Variants in ALDH4A1 observed in about 807,000 individuals in gnomAD.
ALDH4A1 encodes delta-1-pyrroline-5-carboxylate dehydrogenase, mitochondrial.
ALDH4A1 carries 46 observed loss-of-function variants against 70.5 expected under a neutral mutation model. That is an observed-to-expected ratio of 0.65 (90% CI 0.51 to 0.83). The LOEUF (loss-of-function observed/expected upper bound fraction) is 0.83. ALDH4A1 is among the 40% of genes least tolerant of loss of function. ALDH4A1 has a pLI of 0.00. For synonymous variants in ALDH4A1, 323 were observed against 324.3 expected, an observed-to-expected ratio of 1.00 and a Z score of 0.04; for missense variants, 749 against 766.5, an observed-to-expected ratio of 0.98 and a Z score of 0.27.
At position 18,885,456 on chromosome 1, in the gene ALDH4A1, G is replaced by A. The variant is rs200675281; in HGVS notation, c.453+17C>T. ...ACCCCACCCCGCCCCACCCACCCGGGCCCACCAGCACCTCACCTGTCCCAC... is the reference window on the plus strand; with the variant it reads ...ACCCCACCCCGCCCCACCCACCCGGACCCACCAGCACCTCACCTGTCCCAC... On this transcript the variant is annotated intron_variant, in intron 5 of 14. Coordinates refer to ENST00000375341, the MANE Select transcript of ALDH4A1 (RefSeq NM_003748.4). 989 of 542,336 alleles carry A rather than the reference G, an allele frequency of 1.8e-3. 9 individuals are homozygous for A. Among genetic ancestry groups the A allele is most frequent in the African/African-American group, 0.015 (691 of 47,354 alleles). 33.6% of individuals were successfully genotyped at this position (542,336 alleles called of 1,614,324 possible).
intron 7 of ALDH4A1, chr1:18,882,529 A>G (rs1935022401): frequency 1.9e-6 from 1 of 524,894 alleles, no homozygotes; most frequent in Non-Finnish European, 3.9e-6. Context: ...CTTGAATACC[A>G]TCAACCCCGA....
At position 18,889,354 on chromosome 1, in the gene ALDH4A1, G is replaced by A; in HGVS notation, c.249+8C>T. ...AGGGGCTGAGCTCTGCCCACCCGCT[G>A]GACATACCGACACTTGGTACTGCAC... On this transcript the variant is annotated splice_region_variant and intron_variant, in intron 3 of 14. Coordinates refer to ENST00000375341, the MANE Select transcript of ALDH4A1 (RefSeq NM_003748.4). The A allele has an allele frequency of 6.4e-7, 1 of 1,551,574 alleles. No homozygotes were observed.
Position 18,872,429 on chromosome 1 carries a change from C to T in ALDH4A1, c.*416G>A, listed in dbSNP as rs1239564410. On this transcript the variant is annotated 3_prime_UTR_variant, in exon 15 of 15. Transcript: ENST00000375341. Reference sequence around the variant, plus strand: ...CTGAGTTACACTTTACCCTGGACACCTGGAGGGGCAGGGATCAAGGCCAGG... The same window carrying T: ...CTGAGTTACACTTTACCCTGGACACTTGGAGGGGCAGGGATCAAGGCCAGG... The T allele has an allele frequency of 5.7e-6, 1 of 174,368 alleles. No individual in the cohort carries two copies. The highest frequency in any genetic ancestry group is 2.4e-5 in the African/African-American group (1 of 42,188). 10.8% of individuals were successfully genotyped at this position (174,368 alleles called of 1,614,324 possible). A position where few individuals can be genotyped will look rare whatever the true frequency, so the allele number is the denominator to read the frequency against.
At chr1:18,891,419 ATC>A in intron 1 of ALDH4A1, among the ~76,000 whole-genome samples, 1 of 152,240 alleles carries the variant, frequency 6.6e-6, no homozygotes, top group South Asian at 2.1e-4. Context: ...CCCAGATACC[ATC>A]TCTCTCTGGT....
Position 18,890,080 on chromosome 1 carries a change from G to A in ALDH4A1, c.88C>T (p.Leu30=). The stretch of plus-strand genomic sequence containing the variant: ...AAGACGGGCTCGTTGGCCACCTTCA[G>A]GGAGGAGGTGTGCTTCCACCGCAGG... The part of the protein sequence containing the change: ...AGLRWKHTSS[L]KVANEPVLAF... Residue 30 remains leucine, a synonymous_variant, in exon 2 of 15, where the codon CTG becomes TTG. Transcript: ENST00000375341. 1.2e-6 allele frequency: 2 copies of A among 1,612,764 alleles called. No homozygotes were observed. Among genetic ancestry groups the A allele is most frequent in the Admixed American group, 3.3e-5 (2 of 59,882 alleles).
intron 3 of ALDH4A1, among the ~76,000 whole-genome samples, chr1:18,889,080 C>G (rs1156884035): frequency 2.0e-5 from 3 of 152,202 alleles, no homozygotes; most frequent in Non-Finnish European, 2.9e-5. Flanking sequence ...GCTCCCAAAC[C>G]CCCTTGGCAA....
At chr1:18,885,716 A>C in intron 4 of ALDH4A1, 88 bp from the exon 5 acceptor site, 2 of 1,559,946 alleles carry the variant, frequency 1.3e-6, no homozygotes, top group Non-Finnish European at 1.7e-6. Context: ...CTGGGAGGCC[A>C]CTCTCTTCCA....
Position 18,877,235 on chromosome 1 carries a change from G to T in ALDH4A1, c.1158C>A (p.Thr386=). Residue 386 remains threonine (T), a synonymous_variant, in exon 11 of 15, where the codon ACC becomes ACA. Coordinates refer to ENST00000375341, the MANE Select transcript of ALDH4A1 (RefSeq NM_003748.4). ...KVGDPAEDFG[T]FFSAVIDAKS... ...TGGCATCAATCACTGCAGAGAAGAA[G>T]GTCCCAAAATCCTCTGCAGGCTGGA... is the stretch of plus-strand genomic sequence containing the variant. 6.2e-7 allele frequency: 1 copy of T among 1,608,264 alleles called. No individual in the cohort carries two copies. Among genetic ancestry groups the T allele is most frequent in the South Asian group, 1.1e-5 (1 of 89,832 alleles).
intron 4 of ALDH4A1, among the ~76,000 whole-genome samples, chr1:18,886,227 T>C (rs964026792): frequency 2.0e-5 from 3 of 152,194 alleles, no homozygotes; most frequent in African/African-American, 7.2e-5. Context: ...TGGGAATGTC[T>C]CAGCCCTGGC....
At chr1:18,896,702 G>T (rs964709101) in intron 1 of ALDH4A1, among the ~76,000 whole-genome samples, 2 of 152,106 alleles carry the variant, frequency 1.3e-5, no homozygotes, top group Admixed American at 1.3e-4. Context: ...AGACCAGCCT[G>T]GCCAACATGG....
At chr1:18,885,881 G>A (rs569499552) in intron 4 of ALDH4A1, among the ~76,000 whole-genome samples, 6 of 152,306 alleles carry the variant, frequency 3.9e-5, no homozygotes, top group South Asian at 2.1e-4. Flanking sequence ...ACTGAGTCCC[G>A]CAGCTGTTAC....
chr1:18,890,060 G>C lies in ALDH4A1; in HGVS notation c.108C>G (p.Pro36=), dbSNP rs768297819. The C allele has an allele frequency of 6.2e-7, 1 of 1,613,168 alleles. No individual in the cohort carries two copies. The highest frequency in any genetic ancestry group is 1.3e-5 in the African/African-American group (1 of 75,040). The change falls in exon 2 of 15, where the codon CCC becomes CCG. Residue 36 remains proline, a synonymous_variant. Coordinates refer to ENST00000375341, the MANE Select transcript of ALDH4A1 (RefSeq NM_003748.4). Reference sequence around the variant, plus strand: ...GGCTGCCCTGCGTGAAGGCTAAGACGGGCTCGTTGGCCACCTTCAGGGAGG... The same window carrying C: ...GGCTGCCCTGCGTGAAGGCTAAGACCGGCTCGTTGGCCACCTTCAGGGAGG... ...HTSSLKVANE[P]VLAFTQGSPE...
chr1:18,887,747 C>T (rs142951353), intron 3 of ALDH4A1, among the ~76,000 whole-genome samples: 1 of 152,316 alleles, frequency 6.6e-6, no homozygotes, highest in Non-Finnish European at 1.5e-5. Flanking sequence ...TGCCCAGACC[C>T]GTCTCACCCA....
intron 7 of ALDH4A1, among the ~76,000 whole-genome samples, chr1:18,882,853 G>C (rs1012086706): frequency 6.6e-6 from 1 of 152,226 alleles, no homozygotes. Flanking sequence ...AGTCATGGAG[G>C]CTTTCCTATT....
rs758999035 is a variant in ALDH4A1 at position 18,902,512 on chromosome 1, C to A, written c.12G>T (p.Pro4=). 7.4e-6 allele frequency: 11 copies of A among 1,480,596 alleles called. No homozygotes were observed. Among genetic ancestry groups the A allele is most frequent in the Non-Finnish European group, 9.0e-6 (10 of 1,116,018 alleles). 91.7% of individuals were successfully genotyped at this position (1,480,596 alleles called of 1,614,324 possible). A position where few individuals can be genotyped will look rare whatever the true frequency, so the allele number is the denominator to read the frequency against. Residue 4 remains proline (P), a synonymous_variant, in exon 1 of 15, where the codon CCG becomes CCT. Coordinates refer to ENST00000375341, the MANE Select transcript of ALDH4A1 (RefSeq NM_003748.4). Reference sequence around the variant, plus strand: ...GCAGGGCGCGGCGGAGCGCGGGCGCCGGCAGCAGCATCTCGGGTTAGAAGC... The same window carrying A: ...GCAGGGCGCGGCGGAGCGCGGGCGCAGGCAGCAGCATCTCGGGTTAGAAGC... MLL[P]APALRRALLS...
chr1:18,901,398 C>A (rs1569811744), intron 1 of ALDH4A1, among the ~76,000 whole-genome samples: 1 of 152,198 alleles, frequency 6.6e-6, no homozygotes, highest in African/African-American at 2.4e-5. Flanking sequence ...AAAGACACTG[C>A]CACTAACAGC....
chr1:18,896,002 A>T (rs1935603249), intron 1 of ALDH4A1, among the ~76,000 whole-genome samples: 1 of 151,722 alleles, frequency 6.6e-6, no homozygotes, highest in African/African-American at 2.4e-5. Flanking sequence ...ATTCCCCATC[A>T]CCCTGCCCCA....
Position 18,889,370 on chromosome 1 carries a change from G to C in ALDH4A1, c.241C>G (p.Gln81Glu). 1.9e-6 allele frequency: 3 copies of C among 1,552,190 alleles called. No individual in the cohort carries two copies. Among genetic ancestry groups the C allele is most frequent in the Non-Finnish European group, 2.6e-6 (3 of 1,147,238 alleles). The change falls in exon 3 of 15, where the codon CAA becomes GAA. Residue 81 changes from glutamine (Q) to glutamate (E), a missense_variant. By Grantham distance (29) the Gln-to-Glu change is conservative. Coordinates refer to ENST00000375341, the MANE Select transcript of ALDH4A1 (RefSeq NM_003748.4). ...EEVWTSDVQY[Q>E]VSPFNHGHKV... Reference sequence around the variant, plus strand: ...CCACCCGCTGGACATACCGACACTTGGTACTGCACGTCCGACGTCCACACC... The same window carrying C: ...CCACCCGCTGGACATACCGACACTTCGTACTGCACGTCCGACGTCCACACC...
intron 11 of ALDH4A1, 142 bp downstream of exon 11, chr1:18,877,066 C>A: frequency 9.7e-7 from 1 of 1,030,260 alleles, no homozygotes; most frequent in East Asian, 2.6e-5. Context: ...GCTGGAGGTG[C>A]GTGTGTGGCT....
Sources: allele counts gnomAD v4.1 joint callset (sites outside exome capture counted in the v4.1 genomes callset), GRCh38; gene constraint gnomAD v4.1.1; transcripts MANE v1.5; gene names NCBI Gene and HGNC (gene_info 2026-07-23, HGNC 2026-07-21).